SNRNP27: variants seen among roughly 807,000 people sequenced by gnomAD.
The protein encoded by SNRNP27 is U4/U6.U5 small nuclear ribonucleoprotein 27 kDa protein.
A neutral mutation model predicts 25.1 loss-of-function variants in SNRNP27; 22 were observed. The observed-to-expected ratio is 0.88, with a 90% CI of 0.63 to 1.25. SNRNP27 has a LOEUF of 1.25. Ranked by LOEUF, SNRNP27 falls within the 50% of genes most tolerant of loss-of-function variation. SNRNP27 has a pLI of 0.00. For missense variants in SNRNP27, 150 were observed against 202.3 expected, an observed-to-expected ratio of 0.74 and a Z score of 1.57; for synonymous variants, 66 against 64.9, an observed-to-expected ratio of 1.02 and a Z score of -0.08.
intron 2 of SNRNP27, among the ~76,000 whole-genome samples, 174 bp downstream of exon 2, chr2:69,895,388 A>T (rs1175418793): frequency 6.6e-6 from 1 of 152,256 alleles, no homozygotes; most frequent in Non-Finnish European, 1.5e-5. Flanking sequence ...AATGGTGCTA[A>T]TAGTACTCTA....
chr2:69,896,952 ACGTGAACCAC>A (rs1158897874), intron 3 of SNRNP27, among the ~76,000 whole-genome samples: 1 of 151,996 alleles, frequency 6.6e-6, no homozygotes, highest in Non-Finnish European at 1.5e-5. Context: ...GGGATTATAG[ACGTGAACCAC>A]CGTGCCCAGC....
At chr2:69,901,338 G>A (rs550453442) in intron 4 of SNRNP27, among the ~76,000 whole-genome samples, 1 of 152,202 alleles carries the variant, frequency 6.6e-6, no homozygotes, top group Non-Finnish European at 1.5e-5. Context: ...GGCAGGGAAG[G>A]CAATTCAGGC....
intron 4 of SNRNP27, chr2:69,897,730 A>C: frequency 2.8e-6 from 1 of 354,370 alleles, no homozygotes; most frequent in Non-Finnish European, 5.2e-6. Flanking sequence ...GGAAGAGCTC[A>C]TGAAAATGCC....
intron 4 of SNRNP27, 180 bp downstream of exon 4, chr2:69,897,636 C>A: frequency 1.6e-5 from 9 of 565,464 alleles, no homozygotes; most frequent in Middle Eastern, 4.8e-4. Context: ...GGAGTGGTTG[C>A]CAGGGACGAT....
In SNRNP27 at chr2:69,895,069, T is replaced by A. The variant is rs1229713257; in HGVS notation, c.35-25T>A. The A allele has an allele frequency of 6.8e-6, 11 of 1,611,190 alleles. No homozygotes were observed. In the South Asian group the frequency reaches 1.1e-4, roughly 16 times the overall value. ...AGATATTTGAGGTAATTATCAGTTCTGCAATTTGTGTGCGTTTGCATTAGA... is the reference window on the plus strand; with the variant it reads ...AGATATTTGAGGTAATTATCAGTTCAGCAATTTGTGTGCGTTTGCATTAGA... On this transcript the variant is annotated intron_variant, in intron 1 of 5. Coordinates refer to ENST00000244227, the MANE Select transcript of SNRNP27 (RefSeq NM_006857.3).
At chr2:69,903,546 G>GAT in intron 5 of SNRNP27, 1 of 303,078 alleles carries the variant, frequency 3.3e-6, no homozygotes, top group Non-Finnish European at 6.2e-6. Flanking sequence ...TTAGGTATAA[G>GAT]ATAGATCCCT....
At chr2:69,902,938 CTTTTTTTTT>C (rs761833954) in intron 4 of SNRNP27, among the ~76,000 whole-genome samples, 1 of 92,412 alleles carries the variant, frequency 1.1e-5, no homozygotes, top group Non-Finnish European at 1.9e-5. Flanking sequence ...TCTTCTTCTT[CTTTTTTTTT>C]TTTTTTTTTT....
rs1333214279 is a variant in SNRNP27 at position 69,897,393 on chromosome 2, C to T, written c.285C>T (p.Gly95=). The T allele has an allele frequency of 2.5e-6, 4 of 1,612,584 alleles. No individual in the cohort carries two copies. The highest frequency in any genetic ancestry group is 2.2e-5 in the East Asian group (1 of 44,796). ...TTTTTGCAGAGGAAGACTTAGAGGGCAAAACAGAGGAAGAAATAGAAATGA... is the reference window on the plus strand; with the variant it reads ...TTTTTGCAGAGGAAGACTTAGAGGGTAAAACAGAGGAAGAAATAGAAATGA... ...ERQITEEDLE[G]KTEEEIEMMK... is the part of the protein sequence containing the mutation. The change falls in exon 4 of 6, where the codon GGC becomes GGT. Residue 95 remains glycine, a synonymous_variant. Coordinates refer to ENST00000244227, the MANE Select transcript of SNRNP27 (RefSeq NM_006857.3).
chr2:69,898,290 A>G lies in SNRNP27; in HGVS notation c.348+834A>G, dbSNP rs1340091501. ...GTCTCATAGCTTAGAAGTGGGGTGG[A>G]TAGGGGAGGGAATGCTGTCTAGCCT... On this transcript the variant is annotated intron_variant, in intron 4 of 5. Coordinates refer to ENST00000244227, the MANE Select transcript of SNRNP27 (RefSeq NM_006857.3). Among the ~76,000 whole-genome samples, 7 of 95,610 alleles carry G rather than the reference A, an allele frequency of 7.3e-5. 3 individuals are homozygous for G. The highest frequency in any genetic ancestry group is 2.7e-4 in the Admixed American group (3 of 11,030). 62.7% of individuals were successfully genotyped at this position (95,610 alleles called of 152,430 possible).
chr2:69,902,999 T>C (rs567210431), intron 4 of SNRNP27, among the ~76,000 whole-genome samples, 182 bp from the exon 5 acceptor site: 1 of 142,908 alleles, frequency 7.0e-6, no homozygotes, highest in Non-Finnish European at 1.5e-5. Flanking sequence ...CTGGAGTGCA[T>C]TGGTGTGATT....
chr2:69,902,161 G>A (rs1026333336), intron 4 of SNRNP27, among the ~76,000 whole-genome samples: 1 of 152,066 alleles, frequency 6.6e-6, no homozygotes. Context: ...CATAGGATCT[G>A]GAAATTATCT....
At chr2:69,894,549 C>G (rs1676565790) in intron 1 of SNRNP27, among the ~76,000 whole-genome samples, 1 of 152,154 alleles carries the variant, frequency 6.6e-6, no homozygotes, top group Admixed American at 6.5e-5. Context: ...GTCCTGGGAG[C>G]TCACTTCGTA....
intron 4 of SNRNP27, among the ~76,000 whole-genome samples, chr2:69,902,257 T>C (rs938518658): frequency 6.7e-6 from 1 of 148,768 alleles, no homozygotes; most frequent in Non-Finnish European, 1.5e-5. Flanking sequence ...TCCTCCTTCC[T>C]TCTTTCTTCT....
chr2:69,897,229 A>T (rs1676619969), intron 3 of SNRNP27, 148 bp from the exon 4 acceptor site: 1 of 585,878 alleles, frequency 1.7e-6, no homozygotes, highest in African/African-American at 1.9e-5. Flanking sequence ...TGTAAGAGGA[A>T]TTTTTTCATT....
At chr2:69,894,743 C>T (rs1327941003) in intron 1 of SNRNP27, among the ~76,000 whole-genome samples, 3 of 151,984 alleles carry the variant, frequency 2.0e-5, no homozygotes, top group Non-Finnish European at 4.4e-5. Context: ...AGTGCAGTGG[C>T]CGATCTCAGC....
intron 4 of SNRNP27, among the ~76,000 whole-genome samples, chr2:69,902,217 C>CCTTCTTTCTT (rs1676711108): frequency 4.0e-5 from 6 of 150,234 alleles, no homozygotes; most frequent in East Asian, 3.9e-4. Context: ...CTTCCTCCTC[C>CCTTCTTTCTT]CTCCTTCCTC....
chr2:69,899,758 C>G (rs1676661945), intron 4 of SNRNP27, among the ~76,000 whole-genome samples: 1 of 152,090 alleles, frequency 6.6e-6, no homozygotes, highest in African/African-American at 2.4e-5. Context: ...GAGACAGGGT[C>G]TTGTTTTGCC....
At chr2:69,900,781 A>T (rs1676680448) in intron 4 of SNRNP27, among the ~76,000 whole-genome samples, 1 of 152,224 alleles carries the variant, frequency 6.6e-6, no homozygotes, top group Non-Finnish European at 1.5e-5. Context: ...AGGATGTGAG[A>T]ATGCAAAGGT....
intron 1 of SNRNP27, among the ~76,000 whole-genome samples, chr2:69,894,421 A>G (rs928041973): frequency 5.9e-5 from 9 of 152,164 alleles, no homozygotes; most frequent in African/African-American, 1.9e-4. Flanking sequence ...AACTGATGTG[A>G]GAATTAATGT....
Sources: gnomAD v4.1 joint callset for allele counts (sites outside exome capture counted in the v4.1 genomes callset) on GRCh38, gnomAD v4.1.1 for gene constraint, MANE v1.5 for transcripts, NCBI Gene and HGNC (gene_info 2026-07-23, HGNC 2026-07-21) for gene names.